GRM8: variants seen among roughly 807,000 people sequenced by gnomAD.
The protein encoded by GRM8 is metabotropic glutamate receptor 8.
In GRM8, 47 loss-of-function variants were observed where a neutral mutation model predicts 87.2. The observed-to-expected ratio is 0.54, with a 90% confidence interval of 0.43 to 0.69. The LOEUF (loss-of-function observed/expected upper bound fraction) is 0.69. Among genes scored for constraint, GRM8 ranks in the 30% least tolerant of loss-of-function variants. The pLI is 0.00. For missense variants in GRM8, 1,019 were observed against 1,139.2 expected, an observed-to-expected ratio of 0.89 and a Z score of 1.52; for synonymous variants, 396 against 404.5, an observed-to-expected ratio of 0.98 and a Z score of 0.25.
intron 6 of GRM8, among the ~76,000 whole-genome samples, chr7:126,863,246 C>G (rs993908843): frequency 8.6e-5 from 13 of 151,998 alleles, no homozygotes; most frequent in African/African-American, 3.1e-4. Flanking sequence ...AAATTTCCAG[C>G]TATATGGGGA....
At chr7:126,656,944 G>A (rs1206207951) in intron 7 of GRM8, among the ~76,000 whole-genome samples, 3 of 152,208 alleles carry the variant, frequency 2.0e-5, no homozygotes, top group Non-Finnish European at 4.4e-5. Flanking sequence ...ACAGATTAAT[G>A]CATTAGCAAG....
chr7:127,240,309 A>G (rs1343347296), intron 2 of GRM8, among the ~76,000 whole-genome samples: 3 of 152,032 alleles, frequency 2.0e-5, no homozygotes, highest in Admixed American at 1.3e-4. Flanking sequence ...AGCCCAAAAA[A>G]CCAAAGGACA....
intron 2 of GRM8, among the ~76,000 whole-genome samples, chr7:127,193,491 C>T (rs553374254): frequency 3.3e-5 from 5 of 152,282 alleles, no homozygotes; most frequent in South Asian, 2.1e-4. Flanking sequence ...AGGTCAACTC[C>T]GCAGGACAAA....
chr7:126,753,734 TA>T (rs1816696842), intron 7 of GRM8, among the ~76,000 whole-genome samples: 1 of 151,892 alleles, frequency 6.6e-6, no homozygotes, highest in South Asian at 2.1e-4. Flanking sequence ...CCACCTCAAA[TA>T]CTGAAAGAAT....
chr7:127,160,912 T>A (rs1793069746), intron 2 of GRM8, among the ~76,000 whole-genome samples: 2 of 151,462 alleles, frequency 1.3e-5, no homozygotes, highest in Non-Finnish European at 2.9e-5. Flanking sequence ...AACAGAAAAG[T>A]GGATCAAACA....
At chr7:127,208,870 T>C (rs967322027) in intron 2 of GRM8, among the ~76,000 whole-genome samples, 1 of 152,222 alleles carries the variant, frequency 6.6e-6, no homozygotes, top group African/African-American at 2.4e-5. Context: ...TTCCAGTTTA[T>C]AAGCAGCCCA....
At chr7:126,726,767 C>A (rs1156919052) in intron 7 of GRM8, among the ~76,000 whole-genome samples, 3 of 152,010 alleles carry the variant, frequency 2.0e-5, no homozygotes, top group African/African-American at 7.2e-5. Context: ...CAAAGTGAAA[C>A]AAGTGTTTTT....
rs147795109 is a variant in GRM8, at chr7:126,730,216, G to C, written c.1357+39649C>G. Among the ~76,000 whole-genome samples the C allele has an allele frequency of 2.8e-4, 42 of 152,216 alleles. No homozygotes were observed. The East Asian group carries it at 7.7e-3, about 28-fold the overall frequency. ...AACCATAAATTGTGTCAAAGAAATA[G>C]TACTAGCAATGCACTGATTTAGAAG... On this transcript the variant is annotated intron_variant, in intron 7 of 10. Coordinates refer to ENST00000339582, the MANE Select transcript of GRM8 (RefSeq NM_000845.3).
intron 7 of GRM8, among the ~76,000 whole-genome samples, chr7:126,713,500 G>A (rs1350379241): frequency 6.6e-6 from 1 of 151,774 alleles, no homozygotes; most frequent in Admixed American, 6.6e-5. Context: ...ATGCATGCAG[G>A]GTTTAAAACC....
chr7:126,992,441 A>G (rs1812750427), intron 3 of GRM8, among the ~76,000 whole-genome samples: 3 of 152,190 alleles, frequency 2.0e-5, no homozygotes, highest in Admixed American at 2.0e-4. Flanking sequence ...ATAGAAAACA[A>G]CCATTTGTAT....
chr7:126,724,219 C>T (rs1812724029), intron 7 of GRM8, among the ~76,000 whole-genome samples: 1 of 152,140 alleles, frequency 6.6e-6, no homozygotes, highest in Admixed American at 6.6e-5. Flanking sequence ...TCTTTTCCTC[C>T]TGAGCAGGCA....
intron 8 of GRM8, among the ~76,000 whole-genome samples, chr7:126,592,267 A>G (rs1440540167): frequency 6.6e-6 from 1 of 151,908 alleles, no homozygotes; most frequent in Non-Finnish European, 1.5e-5. Flanking sequence ...ATACTTCCAA[A>G]TTCATTTTAC....
intron 8 of GRM8, among the ~76,000 whole-genome samples, chr7:126,583,636 G>A (rs1241331960): frequency 6.6e-6 from 1 of 152,160 alleles, no homozygotes; most frequent in Non-Finnish European, 1.5e-5. Flanking sequence ...GGAAGTAACT[G>A]TAGAAGTGAT....
intron 2 of GRM8, among the ~76,000 whole-genome samples, chr7:127,166,802 G>A (rs1793478651): frequency 6.6e-6 from 1 of 152,042 alleles, no homozygotes. Context: ...ATCCTGGATT[G>A]TTCTAGTTTA....
intron 9 of GRM8, among the ~76,000 whole-genome samples, chr7:126,467,136 C>A (rs10275981): frequency 0.026 from 4,018 of 151,652 alleles, 160 homozygotes; most frequent in African/African-American, 0.091. Context: ...TAATGCTATC[C>A]CTCTCCTAGC....
chr7:126,849,932 G>C (rs893767738), intron 6 of GRM8, among the ~76,000 whole-genome samples: 1 of 152,128 alleles, frequency 6.6e-6, no homozygotes, highest in Admixed American at 6.5e-5. Context: ...TGGATTGTTT[G>C]TCCAATCAGT....
chr7:126,754,330 A>T (rs1816768102), intron 7 of GRM8, among the ~76,000 whole-genome samples: 1 of 151,884 alleles, frequency 6.6e-6, no homozygotes, highest in Non-Finnish European at 1.5e-5. Flanking sequence ...TCATGCCTAA[A>T]TTATGATGCT....
intron 3 of GRM8, among the ~76,000 whole-genome samples, chr7:127,064,299 G>T (rs955721881): frequency 1.3e-5 from 2 of 152,048 alleles, no homozygotes; most frequent in Non-Finnish European, 2.9e-5. Flanking sequence ...ATGAATCTGG[G>T]TGTTCCTGTG....
chr7:126,544,958 A>G (rs1816974483), intron 8 of GRM8, among the ~76,000 whole-genome samples: 2 of 152,182 alleles, frequency 1.3e-5, no homozygotes, highest in African/African-American at 2.4e-5. Context: ...AGAAGCAAAA[A>G]GTCAAAAGCC....
Sources: allele counts gnomAD v4.1 joint callset (sites outside exome capture counted in the v4.1 genomes callset), GRCh38; gene constraint gnomAD v4.1.1; transcripts MANE v1.5; gene names NCBI Gene and HGNC (gene_info 2026-07-23, HGNC 2026-07-21).